Variants in SAMTOR observed in about 807,000 individuals in gnomAD.
SAMTOR encodes S-adenosylmethionine sensor upstream of mTORC1.
the SAMTOR span, among the ~76,000 whole-genome samples, chr7:112,889,677 C>A: frequency 6.6e-6 from 1 of 152,144 alleles, no homozygotes; most frequent in Non-Finnish European, 1.5e-5. Flanking sequence ...TGGATAAGAT[C>A]ATCAAAAACA....
chr7:112,859,528 T>C, the SAMTOR span, among the ~76,000 whole-genome samples: 2 of 152,174 alleles, frequency 1.3e-5, no homozygotes, highest in Non-Finnish European at 2.9e-5. Context: ...GGCAGGTCCC[T>C]CAGGAGGTAT....
the SAMTOR span, among the ~76,000 whole-genome samples, chr7:112,851,148 C>G: frequency 1.0e-3 from 152 of 152,196 alleles, no homozygotes; most frequent in African/African-American, 3.6e-3. Context: ...GACTATACAG[C>G]CCAAAGCAAT....
the SAMTOR span, among the ~76,000 whole-genome samples, chr7:112,833,099 T>TA: frequency 1.3e-5 from 2 of 152,090 alleles, no homozygotes; most frequent in African/African-American, 4.8e-5. Context: ...CCCCCATTTT[T>TA]AAAAAATATA....
chr7:112,852,139 A>G, the SAMTOR span, among the ~76,000 whole-genome samples: 1 of 152,136 alleles, frequency 6.6e-6, no homozygotes. Flanking sequence ...ATTATATATA[A>G]AGACACCTGC....
chr7:112,878,511 A>G, the SAMTOR span, among the ~76,000 whole-genome samples: 1 of 152,210 alleles, frequency 6.6e-6, no homozygotes, highest in African/African-American at 2.4e-5. Context: ...CACCCTGTTG[A>G]TAACAACTCT....
chr7:112,914,339 C>T, the SAMTOR span, among the ~76,000 whole-genome samples: 1 of 140,650 alleles, frequency 7.1e-6, no homozygotes, highest in Non-Finnish European at 1.5e-5. Context: ...GTAAATTGCA[C>T]GTCACAGGGG....
chr7:112,862,630 T>C, the SAMTOR span, among the ~76,000 whole-genome samples: 3 of 152,190 alleles, frequency 2.0e-5, no homozygotes, highest in South Asian at 2.1e-4. Context: ...TTAATGGTTT[T>C]AGAATTCTCT....
At chr7:112,913,509 T>C in the SAMTOR span, among the ~76,000 whole-genome samples, 1 of 152,222 alleles carries the variant, frequency 6.6e-6, no homozygotes, top group Non-Finnish European at 1.5e-5. Context: ...AGTCTGTTCT[T>C]AACACAGAAA....
At chr7:112,882,660 G>T in the SAMTOR span, among the ~76,000 whole-genome samples, 1 of 151,224 alleles carries the variant, frequency 6.6e-6, no homozygotes, top group East Asian at 2.0e-4. Context: ...CTGCACTCCA[G>T]CCTGCCAACA....
chr7:112,899,497 T>G, the SAMTOR span, among the ~76,000 whole-genome samples: 4 of 152,084 alleles, frequency 2.6e-5, no homozygotes, highest in Admixed American at 2.6e-4. Flanking sequence ...GTACAGAGAC[T>G]GGGGTAGAAC....
the SAMTOR span, among the ~76,000 whole-genome samples, chr7:112,848,051 G>A: frequency 6.6e-6 from 1 of 152,156 alleles, no homozygotes; most frequent in South Asian, 2.1e-4. Context: ...TACTCAAGAG[G>A]CTGAGGTGGG....
chr7:112,834,054 A>T, the SAMTOR span, among the ~76,000 whole-genome samples: 3 of 152,196 alleles, frequency 2.0e-5, no homozygotes. Context: ...GTTTTACACT[A>T]CATTTTGTAA....
At chr7:112,836,242 T>C in the SAMTOR span, among the ~76,000 whole-genome samples, 4 of 152,222 alleles carry the variant, frequency 2.6e-5, no homozygotes, top group African/African-American at 4.8e-5. Context: ...CGTTTAGTGA[T>C]GTTGAGCATT....
chr7:112,834,113 A>G, the SAMTOR span, among the ~76,000 whole-genome samples: 1 of 152,174 alleles, frequency 6.6e-6, no homozygotes, highest in Non-Finnish European at 1.5e-5. Flanking sequence ...TGCTTCTATA[A>G]TTCACTTTTA....
chr7:112,931,701 CTGCTCTAAA>C, the SAMTOR span, among the ~76,000 whole-genome samples: 1 of 152,170 alleles, frequency 6.6e-6, no homozygotes, highest in Non-Finnish European at 1.5e-5. Context: ...TACTCACATG[CTGCTCTAAA>C]TGCATGAAGA....
At chr7:112,865,686 A>T in the SAMTOR span, among the ~76,000 whole-genome samples, 1 of 47,142 alleles carries the variant, frequency 2.1e-5, no homozygotes, top group African/African-American at 4.3e-5. Flanking sequence ...ATTCATATAT[A>T]TTTCATATAT....
chr7:112,825,654 T>A, the SAMTOR span, among the ~76,000 whole-genome samples: 1 of 152,216 alleles, frequency 6.6e-6, no homozygotes, highest in Admixed American at 6.5e-5. Context: ...CTTTCCAATG[T>A]GCATGCTGCT....
At chr7:112,875,938 A>G in the SAMTOR span, among the ~76,000 whole-genome samples, 1 of 152,134 alleles carries the variant, frequency 6.6e-6, no homozygotes, top group Admixed American at 6.5e-5. Flanking sequence ...ATGTGGTTCC[A>G]CCAATCAAAA....
chr7:112,872,927 CTGTGTGCG>C, the SAMTOR span, among the ~76,000 whole-genome samples: 1 of 151,802 alleles, frequency 6.6e-6, no homozygotes, highest in African/African-American at 2.4e-5. Context: ...TTTACAGTAG[CTGTGTGCG>C]TGTGTGCACG....
Sources: gnomAD v4.1 joint callset for allele counts (sites outside exome capture counted in the v4.1 genomes callset) on GRCh38, gnomAD v4.1.1 for gene constraint, MANE v1.5 for transcripts, NCBI Gene and HGNC (gene_info 2026-07-23, HGNC 2026-07-21) for gene names.